ACAD10: variants seen among roughly 807,000 people sequenced by gnomAD.
ACAD10 encodes acyl-CoA dehydrogenase family member 10, also known as ACAD-10.
Under a neutral mutation model 116.8 loss-of-function variants are expected in ACAD10, and 112 were observed. The observed-to-expected ratio is 0.96, with a 90% CI of 0.82 to 1.12. ACAD10 has a LOEUF of 1.12. Ranked by LOEUF, ACAD10 falls within the 50% of genes most tolerant of loss-of-function variation. The pLI is 0.00. For missense variants in ACAD10, 1,259 were observed against 1,350.2 expected (o/e 0.93, Z 1.06); for synonymous variants, 486 against 510.6 (o/e 0.95, Z 0.65).
chr12:111,690,252 G>A (rs1250119369), intron 1 of ACAD10, among the ~76,000 whole-genome samples: 1 of 152,050 alleles, frequency 6.6e-6, no homozygotes, highest in East Asian at 1.9e-4. Flanking sequence ...TTGGGGTTGG[G>A]ACCCAAGGCT....
intron 2 of ACAD10, among the ~76,000 whole-genome samples, chr12:111,695,730 T>C (rs1207378647): frequency 6.6e-6 from 1 of 152,120 alleles, no homozygotes; most frequent in Non-Finnish European, 1.5e-5. Context: ...TATACTAGAA[T>C]TGGCCAGGTG....
At chr12:111,731,688 G>A (rs1889389259) in intron 10 of ACAD10, among the ~76,000 whole-genome samples, 1 of 152,200 alleles carries the variant, frequency 6.6e-6, no homozygotes, top group African/African-American at 2.4e-5. Flanking sequence ...GATCAACACA[G>A]TCAGAGATAG....
At chr12:111,753,205 C>T in intron 18 of ACAD10, 1 of 254,884 alleles carries the variant, frequency 3.9e-6, no homozygotes, top group Non-Finnish European at 7.9e-6. Context: ...AAAAGGAATA[C>T]TTAGAACCTT....
Position 111,705,733 on chromosome 12 carries a change from C to A in ACAD10, c.337-5C>A. 1.9e-6 allele frequency: 3 copies of A among 1,613,142 alleles called. No individual in the cohort carries two copies. Among genetic ancestry groups the A allele is most frequent in the Non-Finnish European group, 2.5e-6 (3 of 1,179,432 alleles). On this transcript the variant is annotated splice_polypyrimidine_tract_variant and splice_region_variant and intron_variant, in intron 3 of 20. Coordinates refer to ENST00000313698, the MANE Select transcript of ACAD10 (RefSeq NM_025247.6). Reference sequence around the variant, plus strand: ...CTGTTCTCCTGTGCCCTCTCCTGTTCTTAGTTAAAGACCTCCGTGCCTGTG... The same window carrying A: ...CTGTTCTCCTGTGCCCTCTCCTGTTATTAGTTAAAGACCTCCGTGCCTGTG...
At chr12:111,733,726 T>A (rs771025975) in intron 10 of ACAD10, 197 bp from the exon 11 acceptor site, 2 of 608,582 alleles carry the variant, frequency 3.3e-6, no homozygotes, top group Non-Finnish European at 5.7e-6. Context: ...CATCTCCTGC[T>A]TTTGATTGGC....
At chr12:111,697,605 G>A (rs1353269576) in intron 2 of ACAD10, among the ~76,000 whole-genome samples, 1 of 127,212 alleles carries the variant, frequency 7.9e-6, no homozygotes, top group Non-Finnish European at 1.6e-5. Context: ...TTTTTTTTGA[G>A]ACAGAGTCTT....
At chr12:111,722,987 C>A (rs1481163836) in intron 8 of ACAD10, among the ~76,000 whole-genome samples, 1 of 150,862 alleles carries the variant, frequency 6.6e-6, no homozygotes, top group Non-Finnish European at 1.5e-5. Context: ...CCTCACCTCC[C>A]GGACGGGGCG....
At chr12:111,702,405 A>G (rs1261702476) in intron 3 of ACAD10, 95 bp downstream of exon 3, 18 of 1,478,176 alleles carry the variant, frequency 1.2e-5, no homozygotes, top group Non-Finnish European at 1.7e-5. Flanking sequence ...CTGAAAATAA[A>G]GTGAAACCTA....
chr12:111,742,645 A>G (rs983831859), intron 12 of ACAD10, among the ~76,000 whole-genome samples: 2 of 152,158 alleles, frequency 1.3e-5, no homozygotes, highest in African/African-American at 4.8e-5. Context: ...GGATTGTTTG[A>G]GGCCAGAAGT....
chr12:111,730,907 A>G lies in ACAD10; in HGVS notation c.1394+951A>G, dbSNP rs532235234. Among the ~76,000 whole-genome samples the G allele has an allele frequency of 2.6e-5, 4 of 152,198 alleles. No individual in the cohort carries two copies. In the East Asian group the frequency reaches 7.7e-4, roughly 29 times the overall value. On this transcript the variant is annotated intron_variant, in intron 10 of 20. Coordinates refer to ENST00000313698, the MANE Select transcript of ACAD10 (RefSeq NM_025247.6). ...GCTGGGATTACAGGTGTGCACCACC[A>G]TGTGTGGCTAACTTTTGTATTTTTG...
At chr12:111,723,608 C>T (rs1253945413) in intron 8 of ACAD10, among the ~76,000 whole-genome samples, 1 of 124,648 alleles carries the variant, frequency 8.0e-6, no homozygotes, top group Admixed American at 7.6e-5. Flanking sequence ...ACCCCCCCAC[C>T]TCCCTCCCGG....
At chr12:111,723,164 C>T (rs1889078191) in intron 8 of ACAD10, among the ~76,000 whole-genome samples, 1 of 144,876 alleles carries the variant, frequency 6.9e-6, no homozygotes, top group African/African-American at 2.5e-5. Context: ...CACCTCCCTC[C>T]CGGACGGGGC....
chr12:111,715,115 T>C (rs1888803823), intron 6 of ACAD10, among the ~76,000 whole-genome samples: 1 of 152,186 alleles, frequency 6.6e-6, no homozygotes. Flanking sequence ...AGCAATTGGA[T>C]TATTGGTAGT....
intron 5 of ACAD10, among the ~76,000 whole-genome samples, chr12:111,711,325 C>T (rs1367491596): frequency 2.0e-5 from 3 of 151,978 alleles, no homozygotes; most frequent in Non-Finnish European, 4.4e-5. Flanking sequence ...CTCAGCCTCC[C>T]AAGTAGCTGG....
Position 111,729,821 on chromosome 12 carries a change from G to A in ACAD10, c.1259G>A (p.Arg420His), listed in dbSNP as rs777848159. ...DYGKQGDYIP[R>H]QVRTWVKQYR... The stretch of plus-strand genomic sequence containing the variant: ...TTTCCCGCAGGGGACTATATTCCAC[G>A]CCAGGTACGAACCTGGGTTAAGCAG... The change falls in exon 10 of 21, where the codon CGC becomes CAC. Residue 420 changes from arginine to histidine, a missense_variant. Physicochemically the swap from Arg to His is conservative, Grantham distance 29 (BLOSUM62 0). Transcript: ENST00000313698. 7 of 1,613,672 alleles carry A rather than the reference G, an allele frequency of 4.3e-6. No homozygotes were observed. The highest frequency in any genetic ancestry group is 1.6e-4 in the Middle Eastern group (1 of 6,084).
intron 19 of ACAD10, 134 bp downstream of exon 19, chr12:111,754,049 C>T: frequency 7.6e-7 from 1 of 1,307,260 alleles, no homozygotes; most frequent in Non-Finnish European, 1.0e-6. Flanking sequence ...GGCAGTTTTT[C>T]AAAAATTGGA....
At chr12:111,692,441 A>G (rs551899972) in intron 1 of ACAD10, among the ~76,000 whole-genome samples, 1 of 152,340 alleles carries the variant, frequency 6.6e-6, no homozygotes, top group South Asian at 2.1e-4. Context: ...AGAACTAGAT[A>G]GGGCGAGGTG....
intron 8 of ACAD10, among the ~76,000 whole-genome samples, chr12:111,723,277 G>A (rs1400176698): frequency 3.0e-5 from 4 of 134,898 alleles, no homozygotes; most frequent in Non-Finnish European, 6.5e-5. Flanking sequence ...CCGGGCAGAG[G>A]CGCCCCTCAC....
At chr12:111,715,745 C>T (rs1641123287) in intron 6 of ACAD10, 76 bp from the exon 7 acceptor site, 5 of 1,593,006 alleles carry the variant, frequency 3.1e-6, no homozygotes, top group East Asian at 2.2e-5. Context: ...ATGCAGAACT[C>T]ATTAGAAAGA....
Sources: gnomAD v4.1 joint callset for allele counts (sites outside exome capture counted in the v4.1 genomes callset) on GRCh38, gnomAD v4.1.1 for gene constraint, MANE v1.5 for transcripts, NCBI Gene and HGNC (gene_info 2026-07-23, HGNC 2026-07-21) for gene names.